The following UGT1A6 variants were observed in gnomAD, a reference collection of about 807,000 sequenced individuals.
UGT1A6 encodes the protein UDP glucuronosyltransferase family 1 member A6, also known as UDP-glucuronosyltransferase 1A6.
A neutral mutation model predicts 44.4 loss-of-function variants in UGT1A6; 32 were observed. That is an observed-to-expected ratio of 0.72 (90% CI 0.54 to 0.97). The LOEUF (loss-of-function observed/expected upper bound fraction) is 0.97. UGT1A6 is among the 50% of genes least tolerant of loss of function. The pLI, the probability that UGT1A6 is intolerant of heterozygous loss-of-function variation, is 0.00. For synonymous variants in UGT1A6, 238 were observed against 248.5 expected (o/e 0.96, Z 0.40); for missense variants, 685 against 661.9 (o/e 1.03, Z -0.38).
intron 1 of UGT1A6, chr2:233,721,708 G>T (rs994914932): frequency 2.4e-5 from 9 of 371,466 alleles, no homozygotes; most frequent in African/African-American, 4.2e-5. Flanking sequence ...GCTCATCTTG[G>T]ATGCTTTGTT....
upstream of UGT1A6, chr2:233,692,747 GACTTGT>G (rs1369866976): frequency 9.1e-7 from 1 of 1,095,760 alleles, no homozygotes; most frequent in Non-Finnish European, 1.2e-6. Context: ...GGGAGAAGCA[GACTTGT>G]GGAGCTGAAG....
intron 4 of UGT1A6, 143 bp downstream of exon 4, chr2:233,768,582 C>CTTTTTTTTTTTTTTTTTTTTTTTTTTT (rs139595073): frequency 1.2e-6 from 1 of 867,188 alleles, no homozygotes; most frequent in Non-Finnish European, 1.4e-6. Flanking sequence ...TTTATTTCTT[C>CTTTTTTTTTTTTTTTTTTTTTTTTTTT]TTTTTTTTTT....
intron 1 of UGT1A6, among the ~76,000 whole-genome samples, chr2:233,695,947 AC>A (rs1335972362): frequency 1.3e-5 from 2 of 152,068 alleles, no homozygotes; most frequent in Non-Finnish European, 2.9e-5. Flanking sequence ...TCTGCCAGAT[AC>A]CAGCTGGGTG....
rs919221213 is a variant in UGT1A6 at position 233,772,323 on chromosome 2, G to T, written c.1363G>T (p.Asp455Tyr). 1.9e-6 allele frequency: 3 copies of T among 1,614,164 alleles called. No individual in the cohort carries two copies. Among genetic ancestry groups the T allele is most frequent in the Non-Finnish European group, 2.5e-6 (3 of 1,180,042 alleles). Residue 455 changes from aspartate to tyrosine, a missense_variant, in exon 5 of 5, where the codon GAC (aspartate) becomes TAC (tyrosine). Asp to Tyr is a radical substitution (Grantham distance 160). Coordinates refer to ENST00000305139, the MANE Select transcript of UGT1A6 (RefSeq NM_001072.4). Reference protein sequence around the residue: ...LHKDRPVEPLDLAVFWVEFVM... With the variant: ...LHKDRPVEPLYLAVFWVEFVM... ...CAAGGACCGCCCGGTGGAGCCGCTG[G>T]ACCTGGCCGTGTTCTGGGTGGAGTT...
chr2:233,719,282 T>C, intron 1 of UGT1A6: 1 of 1,614,148 alleles, frequency 6.2e-7, no homozygotes, highest in Non-Finnish European at 8.5e-7. Context: ...CAGACCCCGT[T>C]AACCTCTGTG....
intron 1 of UGT1A6, chr2:233,712,960 T>C (rs759299238): frequency 6.2e-7 from 1 of 1,612,820 alleles, no homozygotes; most frequent in Non-Finnish European, 8.5e-7. Context: ...CAACGTGGGG[T>C]GGACAGTCAG....
At chr2:233,696,632 A>G (rs1267389577) in intron 1 of UGT1A6, among the ~76,000 whole-genome samples, 1 of 151,990 alleles carries the variant, frequency 6.6e-6, no homozygotes, top group Non-Finnish European at 1.5e-5. Context: ...CTCTTGCTTA[A>G]TTGCTTTGGA....
In UGT1A6 at chr2:233,725,322, G is replaced by C. The variant is rs1180235241; in HGVS notation, c.861+31457G>C. Among the ~76,000 whole-genome samples the C allele has an allele frequency of 1.9e-5, 2 of 103,758 alleles. 1 individual carries two copies. Among genetic ancestry groups the C allele is most frequent in the Non-Finnish European group, 4.1e-5 (2 of 49,016 alleles). 68.1% of individuals were successfully genotyped at this position (103,758 alleles called of 152,430 possible). On this transcript the variant is annotated intron_variant, in intron 1 of 4. Transcript: ENST00000305139. Reference sequence around the variant, plus strand: ...GGCAGAGGCAGAGGCAGAGGCGCCTGGTCAACAATCTTAAGTCCAATAAGA... The same window carrying C: ...GGCAGAGGCAGAGGCAGAGGCGCCTCGTCAACAATCTTAAGTCCAATAAGA...
At chr2:233,713,955 C>T in intron 1 of UGT1A6, 1 of 1,607,704 alleles carries the variant, frequency 6.2e-7, no homozygotes, top group Non-Finnish European at 8.5e-7. Context: ...CTTATCTTTC[C>T]AAAGATTTCA....
intron 1 of UGT1A6, among the ~76,000 whole-genome samples, chr2:233,724,444 A>C (rs1289954419): frequency 6.8e-4 from 46 of 67,350 alleles, no homozygotes; most frequent in South Asian, 1.5e-3. Context: ...CTTCTCAGAC[A>C]GGGCAGCTGC....
At chr2:233,695,645 C>T (rs1431820940) in intron 1 of UGT1A6, among the ~76,000 whole-genome samples, 1 of 152,012 alleles carries the variant, frequency 6.6e-6, no homozygotes, top group Non-Finnish European at 1.5e-5. Flanking sequence ...ACTTTTTTAG[C>T]TCCACATATA....
chr2:233,741,575 C>A lies in UGT1A6; in HGVS notation c.862-25459C>A, dbSNP rs559274983. ...TGGTTATTGTATGAGAATCAACTAC[C>A]CAGGCACCTCGGAGCATGTTGATTT... On this transcript the variant is annotated intron_variant, in intron 1 of 4. Coordinates refer to ENST00000305139, the MANE Select transcript of UGT1A6 (RefSeq NM_001072.4). 4 of 151,970 alleles carry A rather than the reference C, an allele frequency of 2.6e-5. No individual in the cohort carries two copies. In the East Asian group the frequency reaches 7.7e-4, roughly 29 times the overall value. 9.4% of individuals were successfully genotyped at this position (151,970 alleles called of 1,614,324 possible).
chr2:233,756,775 T>G (rs1301399091), intron 1 of UGT1A6, among the ~76,000 whole-genome samples: 1 of 152,128 alleles, frequency 6.6e-6, no homozygotes, highest in Admixed American at 6.5e-5. Context: ...TTCTTTGCTT[T>G]GATAAATTGT....
chr2:233,738,490 C>T (rs927376982), intron 1 of UGT1A6, among the ~76,000 whole-genome samples: 34 of 152,308 alleles, frequency 2.2e-4, no homozygotes, highest in Middle Eastern at 6.8e-3. Flanking sequence ...ACTTGTTGAA[C>T]GGTTTTGACC....
intron 1 of UGT1A6, chr2:233,718,894 G>A: frequency 6.2e-7 from 1 of 1,614,034 alleles, no homozygotes; most frequent in Non-Finnish European, 8.5e-7. Context: ...GTCCAGCCCT[G>A]GGCTGAGAGT....
chr2:233,692,050 G>A (rs968960358), upstream of UGT1A6: 1 of 152,148 alleles, frequency 6.6e-6, no homozygotes, highest in African/African-American at 2.4e-5. Context: ...AAACCCTTGC[G>A]ATTAGAGGGA....
chr2:233,749,284 A>G (rs1432188982), intron 1 of UGT1A6, among the ~76,000 whole-genome samples: 1 of 151,920 alleles, frequency 6.6e-6, no homozygotes, highest in East Asian at 1.9e-4. Flanking sequence ...TATGCAGTGT[A>G]GTTATTCAAT....
At chr2:233,719,353 G>A in intron 1 of UGT1A6, 3 of 1,613,930 alleles carry the variant, frequency 1.9e-6, no homozygotes, top group Non-Finnish European at 2.5e-6. Flanking sequence ...TACATTCCAT[G>A]TGACTTAGAC....
chr2:233,768,900 A>G (rs972191736), intron 4 of UGT1A6, among the ~76,000 whole-genome samples: 23 of 152,184 alleles, frequency 1.5e-4, no homozygotes, highest in African/African-American at 5.1e-4. Flanking sequence ...TATAAATAAG[A>G]TAATTTAGAG....
Sources: gnomAD v4.1 joint callset for allele counts (sites outside exome capture counted in the v4.1 genomes callset) on GRCh38, gnomAD v4.1.1 for gene constraint, MANE v1.5 for transcripts, NCBI Gene and HGNC (gene_info 2026-07-23, HGNC 2026-07-21) for gene names.